The following LRRC7 variants were observed in gnomAD, a reference collection of about 807,000 sequenced individuals.
LRRC7 encodes leucine rich repeat containing 7, also known as leucine-rich repeat-containing protein 7.
Under a neutral mutation model 175.7 loss-of-function variants are expected in LRRC7, and 23 were observed. That is an observed-to-expected ratio of 0.13 (90% CI 0.09 to 0.19). The LOEUF is 0.19. Ranked by LOEUF, LRRC7 falls within the 10% of genes least tolerant of loss-of-function variation. The pLI, the probability that LRRC7 is intolerant of heterozygous loss-of-function variation, is 1.00. For synonymous variants in LRRC7, 685 were observed against 680.9 expected (o/e 1.01, Z -0.09); for missense variants, 1,354 against 1,904.7 (o/e 0.71, Z 5.38).
chr1:69,665,600 CTTTA>C (rs1658147752), intron 1 of LRRC7, among the ~76,000 whole-genome samples: 1 of 151,910 alleles, frequency 6.6e-6, no homozygotes, highest in Non-Finnish European at 1.5e-5. Context: ...AATGGGATTA[CTTTA>C]TTTAATTCTG....
At chr1:69,872,308 G>A (rs961070544) in intron 7 of LRRC7, among the ~76,000 whole-genome samples, 1 of 151,990 alleles carries the variant, frequency 6.6e-6, no homozygotes, top group Non-Finnish European at 1.5e-5. Flanking sequence ...AAGAAATGGG[G>A]AGAAACTTAA....
At chr1:70,014,542 T>A (rs1370782671) in intron 13 of LRRC7, among the ~76,000 whole-genome samples, 2 of 151,990 alleles carry the variant, frequency 1.3e-5, no homozygotes, top group Non-Finnish European at 2.9e-5. Flanking sequence ...GGAGCCAAAT[T>A]ACTATTTTTA....
intron 8 of LRRC7, among the ~76,000 whole-genome samples, chr1:69,934,951 G>C (rs766511512): frequency 6.6e-6 from 1 of 152,150 alleles, no homozygotes; most frequent in Admixed American, 6.5e-5. Context: ...TCTACCATGG[G>C]AGCCTTCATC....
intron 25 of LRRC7, among the ~76,000 whole-genome samples, chr1:70,091,000 G>T (rs1346939074): frequency 5.3e-5 from 8 of 152,104 alleles, no homozygotes; most frequent in Admixed American, 3.9e-4. Context: ...TTGGTCGCAT[G>T]ATTATATACA....
chr1:69,592,550 C>T (rs1457479712), intron 1 of LRRC7, among the ~76,000 whole-genome samples: 1 of 151,972 alleles, frequency 6.6e-6, no homozygotes, highest in African/African-American at 2.4e-5. Flanking sequence ...GCGAAGATCG[C>T]CTGATTTGAG....
At chr1:70,028,506 A>T (rs1429308045) in intron 18 of LRRC7, 135 bp downstream of exon 18, 3 of 780,176 alleles carry the variant, frequency 3.8e-6, no homozygotes, top group African/African-American at 3.5e-5. Context: ...TACTTTTTCA[A>T]ACTATGAGGG....
At chr1:70,026,084 G>A (rs1658069591) in intron 17 of LRRC7, among the ~76,000 whole-genome samples, 1 of 152,042 alleles carries the variant, frequency 6.6e-6, no homozygotes, top group African/African-American at 2.4e-5. Context: ...AATTGTGTCA[G>A]ATGGGACACA....
At chr1:69,769,246 G>A (rs113990152) in intron 3 of LRRC7, among the ~76,000 whole-genome samples, 1,680 of 152,266 alleles carry the variant, frequency 0.011, 43 homozygotes, top group African/African-American at 0.038. Flanking sequence ...ATCTTCATTT[G>A]CAGTAGTTGC....
At chr1:69,803,488 T>A (rs1036422963) in intron 4 of LRRC7, among the ~76,000 whole-genome samples, 9 of 151,446 alleles carry the variant, frequency 5.9e-5, no homozygotes, top group African/African-American at 2.2e-4. Context: ...GTTTAAGTAC[T>A]TTAAGTTGTT....
chr1:69,838,635 A>C (rs1681384208), intron 7 of LRRC7, among the ~76,000 whole-genome samples: 1 of 151,920 alleles, frequency 6.6e-6, no homozygotes, highest in Admixed American at 6.6e-5. Flanking sequence ...TAATTCTTCA[A>C]GTTAATTTAT....
chr1:69,909,674 C>A (rs1382736492), intron 7 of LRRC7, among the ~76,000 whole-genome samples: 1 of 152,062 alleles, frequency 6.6e-6, no homozygotes, highest in East Asian at 1.9e-4. Flanking sequence ...TTGAGGGTAA[C>A]CCGACCTTTC....
intron 22 of LRRC7, among the ~76,000 whole-genome samples, chr1:70,046,763 T>C (rs915694170): frequency 6.6e-6 from 1 of 152,082 alleles, no homozygotes; most frequent in Non-Finnish European, 1.5e-5. Context: ...AGTCTAAGCT[T>C]CTGTCCCTTC....
At chr1:69,595,513 C>T (rs925398724) in intron 1 of LRRC7, among the ~76,000 whole-genome samples, 3 of 152,324 alleles carry the variant, frequency 2.0e-5, no homozygotes, top group East Asian at 3.9e-4. Context: ...CCCAGGGAGT[C>T]TGGCCTTCAG....
intron 10 of LRRC7, among the ~76,000 whole-genome samples, chr1:69,987,402 T>G (rs1224458468): frequency 2.6e-5 from 4 of 152,200 alleles, no homozygotes; most frequent in Non-Finnish European, 5.9e-5. Flanking sequence ...GTAACATAGA[T>G]TTTAACCTCT....
intron 14 of LRRC7, 115 bp from the exon 15 acceptor site, chr1:70,018,604 T>C: frequency 1.9e-6 from 1 of 528,390 alleles, no homozygotes; most frequent in South Asian, 4.1e-5. Context: ...ATTTCTTATT[T>C]TATTTCTTTT....
Position 70,122,187 on chromosome 1 carries a change from T to C in LRRC7, c.*300T>C, listed in dbSNP as rs1666245435. The C allele has an allele frequency of 1.9e-5, 4 of 214,216 alleles. No individual in the cohort carries two copies. Among genetic ancestry groups the C allele is most frequent in the Non-Finnish European group, 9.2e-6 (1 of 108,748 alleles). 13.3% of individuals were successfully genotyped at this position (214,216 alleles called of 1,614,324 possible). The stretch of plus-strand genomic sequence containing the variant: ...TCTTCTCAAAATGGATTTCATATAA[T>C]TTCGGAGCACGGAAGCACACACAAG... On this transcript the variant is annotated 3_prime_UTR_variant, in exon 27 of 27. Coordinates refer to ENST00000651989, the MANE Select transcript of LRRC7 (RefSeq NM_001370785.2).
At chr1:69,610,442 T>C (rs1044634807) in intron 1 of LRRC7, among the ~76,000 whole-genome samples, 1 of 152,042 alleles carries the variant, frequency 6.6e-6, no homozygotes, top group Non-Finnish European at 1.5e-5. Context: ...CTTTAGTCTG[T>C]GTCTCCCACT....
chr1:69,610,934 CTT>C (rs1374497734), intron 1 of LRRC7, among the ~76,000 whole-genome samples: 1 of 151,912 alleles, frequency 6.6e-6, no homozygotes, highest in East Asian at 1.9e-4. Flanking sequence ...ATTAAACACA[CTT>C]AGGCAAAATG....
intron 8 of LRRC7, among the ~76,000 whole-genome samples, chr1:69,933,756 A>G (rs943198118): frequency 4.6e-5 from 7 of 152,218 alleles, no homozygotes; most frequent in Admixed American, 3.9e-4. Context: ...TTGGGTCAAC[A>G]ATGATGAAAA....
Sources: gnomAD v4.1 joint callset for allele counts (sites outside exome capture counted in the v4.1 genomes callset) on GRCh38, gnomAD v4.1.1 for gene constraint, MANE v1.5 for transcripts, NCBI Gene and HGNC (gene_info 2026-07-23, HGNC 2026-07-21) for gene names.